The following NFIB variants were observed in gnomAD, a reference collection of about 807,000 sequenced individuals.
NFIB encodes nuclear factor I B.
Under a neutral mutation model 61.5 loss-of-function variants are expected in NFIB, and 11 were observed. The observed-to-expected ratio is 0.18, with a 90% CI of 0.11 to 0.30. NFIB has a LOEUF of 0.30. Ranked by LOEUF, NFIB falls within the 10% of genes least tolerant of loss-of-function variation. The pLI is 1.00. For missense variants in NFIB, 471 were observed against 608.9 expected, an observed-to-expected ratio of 0.77 and a Z score of 2.38; for synonymous variants, 260 against 216.5, an observed-to-expected ratio of 1.20 and a Z score of -1.76.
upstream of NFIB, among the ~76,000 whole-genome samples, chr9:14,315,862 C>G (rs1339942799): frequency 6.6e-6 from 1 of 151,890 alleles, no homozygotes; most frequent in African/African-American, 2.4e-5. Flanking sequence ...GGCTCCGAGT[C>G]TACCTAGCTG....
At chr9:14,338,393 CAA>C (rs35741300) in intron 1 of NFIB, among the ~76,000 whole-genome samples, 1 of 148,454 alleles carries the variant, frequency 6.7e-6, no homozygotes, top group African/African-American at 2.5e-5. Flanking sequence ...GACTCTGTCT[CAA>C]AAAAAAAAAA....
At chr9:14,398,703 C>T (rs891210052) in exon 1 of NFIB, 7 of 1,097,892 alleles carry the variant, frequency 6.4e-6, no homozygotes, top group Admixed American at 2.6e-5. Flanking sequence ...AGAATGTTTG[C>T]TCCAGGTCAC....
intron 5 of NFIB, 68 bp from the exon 6 acceptor site, chr9:14,146,875 G>C (rs953595346): frequency 2.6e-6 from 4 of 1,568,450 alleles, no homozygotes; most frequent in Admixed American, 2.1e-5. Flanking sequence ...TAAAGTAAAT[G>C]ATCTGAGAAG....
chr9:14,455,430 C>T, the NFIB span, among the ~76,000 whole-genome samples: 1 of 152,096 alleles, frequency 6.6e-6, no homozygotes, highest in East Asian at 1.9e-4. Flanking sequence ...TGAGAGTTCA[C>T]TTGAGGATGT....
intron 2 of NFIB, among the ~76,000 whole-genome samples, chr9:14,294,372 A>G (rs1434817043): frequency 6.6e-6 from 1 of 152,258 alleles, no homozygotes; most frequent in South Asian, 2.1e-4. Context: ...AACCATGTAT[A>G]CGCTCCCACT....
At chr9:14,472,836 G>A in the NFIB span, among the ~76,000 whole-genome samples, 4 of 151,232 alleles carry the variant, frequency 2.6e-5, no homozygotes, top group South Asian at 2.1e-4. Context: ...GCGAGACTCC[G>A]TCTCAAAAAA....
chr9:14,314,223 G>A (rs2060433238), upstream of NFIB: 1 of 847,276 alleles, frequency 1.2e-6, no homozygotes, highest in Non-Finnish European at 1.4e-6. Context: ...CCGGGGTGAG[G>A]GAGGGGGCGC....
chr9:14,467,291 G>A, the NFIB span, among the ~76,000 whole-genome samples: 1 of 152,166 alleles, frequency 6.6e-6, no homozygotes, highest in East Asian at 1.9e-4. Context: ...CTGAGTCACT[G>A]AGAGCTGTTC....
chr9:14,114,387 A>G (rs1015744423), intron 9 of NFIB, among the ~76,000 whole-genome samples: 4 of 152,246 alleles, frequency 2.6e-5, no homozygotes, highest in Admixed American at 2.0e-4. Context: ...CTTTTCAACT[A>G]TGAGAAAGAG....
At chr9:14,333,846 G>A (rs375747718) in intron 1 of NFIB, among the ~76,000 whole-genome samples, 2 of 152,086 alleles carry the variant, frequency 1.3e-5, no homozygotes, top group African/African-American at 2.4e-5. Flanking sequence ...TGCAGAAACC[G>A]TCTCCCAATC....
chr9:14,479,831 G>C, the NFIB span, among the ~76,000 whole-genome samples: 1 of 152,010 alleles, frequency 6.6e-6, no homozygotes, highest in Non-Finnish European at 1.5e-5. Context: ...TAAACACTAC[G>C]GGAAACAAAC....
chr9:14,512,053 A>G, the NFIB span, among the ~76,000 whole-genome samples: 2 of 152,220 alleles, frequency 1.3e-5, no homozygotes, highest in Non-Finnish European at 2.9e-5. Flanking sequence ...TACAATTTAC[A>G]TTACTTGTCT....
Position 14,087,654 on chromosome 9 carries a change from A to T in NFIB, c.*655T>A, listed in dbSNP as rs2118449504. The T allele has an allele frequency of 4.6e-6, 1 of 216,528 alleles. No homozygotes were observed. The highest frequency in any genetic ancestry group is 6.8e-5 in the East Asian group (1 of 14,674). The allele number at this position is 216,528 out of a possible 1,614,324, so 13.4% of individuals were successfully genotyped here. A position where few individuals can be genotyped will look rare whatever the true frequency, so the allele number is the denominator to read the frequency against. Reference sequence around the variant, plus strand: ...CTGGAAAAGGCTGGGTTAAGGGCCGAAATTTAATAAATCTGTACTGATAAC... The same window carrying T: ...CTGGAAAAGGCTGGGTTAAGGGCCGTAATTTAATAAATCTGTACTGATAAC... On this transcript the variant is annotated 3_prime_UTR_variant, in exon 11 of 11. Coordinates refer to ENST00000380953, the MANE Select transcript of NFIB (RefSeq NM_001190737.2).
intron 2 of NFIB, among the ~76,000 whole-genome samples, chr9:14,255,776 G>C (rs2056162349): frequency 6.6e-6 from 1 of 152,200 alleles, no homozygotes; most frequent in South Asian, 2.1e-4. Context: ...GGTGTGTTTT[G>C]TGAAGCACTC....
At chr9:14,498,200 A>G in the NFIB span, among the ~76,000 whole-genome samples, 6 of 152,218 alleles carry the variant, frequency 3.9e-5, no homozygotes, top group African/African-American at 1.4e-4. Context: ...TTTTGTCTCC[A>G]AAGTTTGTGC....
At chr9:14,386,257 C>A (rs2061548022) in intron 1 of NFIB, among the ~76,000 whole-genome samples, 1 of 152,236 alleles carries the variant, frequency 6.6e-6, no homozygotes, top group Non-Finnish European at 1.5e-5. Flanking sequence ...ATACCTTGCT[C>A]TCCAGAGCTT....
chr9:14,523,795 G>A, the NFIB span, among the ~76,000 whole-genome samples: 5 of 152,196 alleles, frequency 3.3e-5, no homozygotes, highest in Admixed American at 1.3e-4. Context: ...TGACAGGTCC[G>A]TCTGCTGCCC....
chr9:14,335,886 A>G (rs182658588), intron 1 of NFIB, among the ~76,000 whole-genome samples: 77 of 152,330 alleles, frequency 5.1e-4, no homozygotes, highest in Admixed American at 5.0e-3. Flanking sequence ...CATTACTTTT[A>G]TATGGATATT....
chr9:14,116,135 A>G lies in NFIB; in HGVS notation c.1384+73T>C, dbSNP rs952678750. 2.8e-5 allele frequency: 39 copies of G among 1,382,800 alleles called. No individual in the cohort carries two copies. In the East Asian group the frequency reaches 5.8e-4, roughly 21 times the overall value. The allele number at this position is 1,382,800 out of a possible 1,614,324, so 85.7% of individuals were successfully genotyped here. A position where few individuals can be genotyped will look rare whatever the true frequency, so the allele number is the denominator to read the frequency against. On this transcript the variant is annotated intron_variant, in intron 9 of 10. Transcript: ENST00000380953. ...TTTTCCACCTTGGATCAGATATCCAATGGTGCCTCTGATGGACATTTCTCA... is the reference window on the plus strand; with the variant it reads ...TTTTCCACCTTGGATCAGATATCCAGTGGTGCCTCTGATGGACATTTCTCA...
Sources: gnomAD v4.1 joint callset for allele counts (sites outside exome capture counted in the v4.1 genomes callset) on GRCh38, gnomAD v4.1.1 for gene constraint, MANE v1.5 for transcripts, NCBI Gene and HGNC (gene_info 2026-07-23, HGNC 2026-07-21) for gene names.